CUX1: variants seen among roughly 807,000 people sequenced by gnomAD.
The protein encoded by CUX1 is protein CASP.
A neutral mutation model predicts 158.8 loss-of-function variants in CUX1; 31 were observed. That is an observed-to-expected ratio of 0.20 (90% CI 0.15 to 0.26). CUX1 has a LOEUF of 0.26. CUX1 is among the 10% of genes least tolerant of loss of function. The pLI is 1.00. For missense variants in CUX1, 1,589 were observed against 2,014.6 expected (o/e 0.79, Z 4.04); for synonymous variants, 879 against 862.1 (o/e 1.02, Z -0.34).
At chr7:102,159,614 AG>A (rs1554506445) in intron 9 of CUX1, among the ~76,000 whole-genome samples, 1 of 152,270 alleles carries the variant, frequency 6.6e-6, no homozygotes, top group East Asian at 1.9e-4. Context: ...TAATCCCAGC[AG>A]TCTGGGGGGC....
Position 102,093,336 on chromosome 7 carries a change from C to A in CUX1, c.269-4028C>A, listed in dbSNP as rs530611461. Among the ~76,000 whole-genome samples, 50 of 152,124 alleles carry A rather than the reference C, an allele frequency of 3.3e-4. 1 individual carries two copies. The highest frequency in any genetic ancestry group is 1.5e-5 in the Non-Finnish European group (1 of 67,986). On this transcript the variant is annotated intron_variant, in intron 4 of 23. Coordinates refer to ENST00000292535, the MANE Select transcript of CUX1 (RefSeq NM_181552.4). The stretch of plus-strand genomic sequence containing the variant: ...AAGGAGCTGGGACTACAGGCATGCA[C>A]CACCATGCCCGGCTAATTTTTGTAT...
intron 2 of CUX1, among the ~76,000 whole-genome samples, chr7:101,984,064 C>T (rs1221675441): frequency 1.0e-5 from 1 of 98,220 alleles, no homozygotes; most frequent in Non-Finnish European, 2.0e-5. Flanking sequence ...CAGAGCAAGA[C>T]TCTGTCCCCC....
rs10633602 is a variant in CUX1 at position 102,117,397 on chromosome 7, CAAAAAAAAAAAA to C, written c.674+2135_674+2146del. ...TGGGCTACAGAGCCAGACTCCATCGCAAAAAAAAAAAAAAAAAAAAAAGGTCAATATTGGGCC... is the reference window on the plus strand; with the variant it reads ...TGGGCTACAGAGCCAGACTCCATCGCAAAAAAAAAAGGTCAATATTGGGCC... On this transcript the variant is annotated intron_variant, in intron 8 of 23. Transcript: ENST00000292535. 4.5e-3 allele frequency among the ~76,000 whole-genome samples: 211 copies of C among 46,682 alleles called. 3 individuals are homozygous for C. Among genetic ancestry groups the C allele is most frequent in the Admixed American group, 0.012 (43 of 3,528 alleles). The allele number at this position is 46,682 out of a possible 152,430, so 30.6% of individuals were successfully genotyped here. A position where few individuals can be genotyped will look rare whatever the true frequency, so the allele number is the denominator to read the frequency against.
At position 102,239,382 on chromosome 7, in the gene CUX1, G is replaced by A. The variant is rs376880850; in HGVS notation, c.3685G>A (p.Gly1229Ser). ...DSQPCEPPSV[G>S]TEYSQGASPQ... is the part of the protein sequence containing the mutation. ...CCAGCCCTGCGAACCGCCCTCTGTC[G>A]GCACCGAGTACAGCCAGGGCGCCAG... Residue 1229 changes from glycine (G) to serine (S), a missense_variant, in exon 23 of 24, where the codon GGC (glycine) becomes AGC (serine). Physicochemically the swap from Gly to Ser is moderately conservative, Grantham distance 56. Around this residue, in one of 8 missense-constraint regions of CUX1, gnomAD observed 259 missense variants for 373.8 expected, o/e 0.69. Transcript: ENST00000292535. 44 of 1,613,086 alleles carry A rather than the reference G, an allele frequency of 2.7e-5. No individual in the cohort carries two copies. Among genetic ancestry groups the A allele is most frequent in the African/African-American group, 1.2e-4 (9 of 75,072 alleles).
chr7:101,950,241 C>A (rs1808894634), intron 2 of CUX1, among the ~76,000 whole-genome samples: 1 of 152,036 alleles, frequency 6.6e-6, no homozygotes, highest in African/African-American at 2.4e-5. Context: ...AACTCCTGAT[C>A]TCAGGTGATC....
intron 4 of CUX1, among the ~76,000 whole-genome samples, chr7:102,087,877 TG>T (rs1470714496): frequency 6.6e-6 from 1 of 152,224 alleles, no homozygotes; most frequent in Admixed American, 6.5e-5. Flanking sequence ...GATTCAAGTA[TG>T]CACGTGAAAT....
intron 8 of CUX1, among the ~76,000 whole-genome samples, chr7:102,134,932 C>T (rs1163227670): frequency 8.5e-5 from 13 of 152,140 alleles, no homozygotes; most frequent in Admixed American, 3.3e-4. Flanking sequence ...TCCTTATATC[C>T]TGTAAAAATG....
intron 1 of CUX1, among the ~76,000 whole-genome samples, chr7:101,906,905 C>A (rs1261381461): frequency 6.6e-6 from 1 of 152,142 alleles, no homozygotes; most frequent in Non-Finnish European, 1.5e-5. Flanking sequence ...TGCTGCCCCC[C>A]ACTCCCGGAC....
At chr7:101,934,350 C>T (rs754167219) in intron 2 of CUX1, among the ~76,000 whole-genome samples, 3 of 152,220 alleles carry the variant, frequency 2.0e-5, no homozygotes, top group Admixed American at 1.3e-4. Flanking sequence ...CACTATAATG[C>T]GCTCCCATTA....
intron 8 of CUX1, among the ~76,000 whole-genome samples, chr7:102,154,974 T>C (rs893376511): frequency 3.3e-5 from 5 of 152,220 alleles, no homozygotes; most frequent in African/African-American, 9.6e-5. Flanking sequence ...GAGGAGGATT[T>C]AGGCAATTGT....
chr7:102,132,863 G>A (rs1833472435), intron 8 of CUX1, among the ~76,000 whole-genome samples: 1 of 151,650 alleles, frequency 6.6e-6, no homozygotes, highest in East Asian at 1.9e-4. Flanking sequence ...GTAGTGACAG[G>A]GTTCACCATG....
At chr7:101,901,072 C>T (rs1486800626) in intron 1 of CUX1, among the ~76,000 whole-genome samples, 4 of 151,980 alleles carry the variant, frequency 2.6e-5, no homozygotes, top group South Asian at 4.2e-4. Flanking sequence ...ATGGGAAAAT[C>T]GATGCTCAGG....
At position 101,916,282 on chromosome 7, in the gene CUX1, T is replaced by C; in HGVS notation, c.141+57T>C. On this transcript the variant is annotated intron_variant, in intron 2 of 23. Transcript: ENST00000292535. The surrounding 1 kb of genome is among the most constrained non-coding windows in gnomAD (Gnocchi z 4.4). ...AGGGATCTTAGAATGCTGGTGCATG[T>C]TCAGGCGACGCTCCGTGAGCGTTTC... is the stretch of plus-strand genomic sequence containing the variant. The C allele has an allele frequency of 9.0e-7, 1 of 1,105,244 alleles. No homozygotes were observed. The highest frequency in any genetic ancestry group is 1.2e-5 in the South Asian group (1 of 80,626). 68.5% of individuals were successfully genotyped at this position (1,105,244 alleles called of 1,614,324 possible).
At chr7:102,211,450 C>CA (rs1392500800) in intron 20 of CUX1, among the ~76,000 whole-genome samples, 1 of 150,816 alleles carries the variant, frequency 6.6e-6, no homozygotes, top group African/African-American at 2.4e-5. Context: ...TCTCCGCCCG[C>CA]AAAAAAAGAA....
intron 2 of CUX1, among the ~76,000 whole-genome samples, chr7:101,968,763 T>TG (rs961732906): frequency 6.6e-6 from 1 of 152,114 alleles, no homozygotes. Context: ...AGGATATCCC[T>TG]GCTGCCTGGG....
At chr7:102,223,697 G>A (rs909681278) in intron 20 of CUX1, among the ~76,000 whole-genome samples, 5 of 152,034 alleles carry the variant, frequency 3.3e-5, no homozygotes, top group Non-Finnish European at 7.4e-5. Flanking sequence ...GGTCAGGCGC[G>A]GTGGCTCACA....
At chr7:101,887,702 A>T (rs1584886987) in intron 1 of CUX1, among the ~76,000 whole-genome samples, 1 of 152,028 alleles carries the variant, frequency 6.6e-6, no homozygotes, top group Admixed American at 6.5e-5. Context: ...CTGCTGATAC[A>T]CCCTGTGGAC....
rs58786987 is a variant in CUX1 at position 102,060,608 on chromosome 7, A to AACACACACACACACACAC, written c.190-9712_190-9695dup. Among the ~76,000 whole-genome samples the AACACACACACACACACAC allele has an allele frequency of 8.6e-4, 114 of 133,298 alleles. 2 individuals carry two copies. The highest frequency in any genetic ancestry group is 5.0e-3 in the Admixed American group (64 of 12,778). The allele number at this position is 133,298 out of a possible 152,430, so 87.4% of individuals were successfully genotyped here. A position where few individuals can be genotyped will look rare whatever the true frequency, so the allele number is the denominator to read the frequency against. On this transcript the variant is annotated intron_variant, in intron 3 of 23. Coordinates refer to ENST00000292535, the MANE Select transcript of CUX1 (RefSeq NM_181552.4). The stretch of plus-strand genomic sequence containing the variant: ...ATATATATATACACACACACAAATA[A>AACACACACACACACACAC]ACACACACACACACACACACACACA...
Position 102,275,272 on chromosome 7 carries a change from C to G in CUX1, c.1476C>G (p.Ala492=), listed in dbSNP as rs140831161. The change falls in exon 17 of 23, where the codon GCC becomes GCG. Residue 492 remains alanine (A), a synonymous_variant. Coordinates refer to the CUX1 transcript ENST00000292538. ...GACCTGCAGCACCAGCCAGCGGTGCCCTCCCAGAGGGCCAGGTGGATTCAC... is the reference window on the plus strand; with the variant it reads ...GACCTGCAGCACCAGCCAGCGGTGCGCTCCCAGAGGGCCAGGTGGATTCAC... The G allele has an allele frequency of 1.4e-4, 221 of 1,610,646 alleles. 1 individual carries two copies. The African/African-American group carries it at 2.7e-3, about 20-fold the overall frequency.
Sources: gnomAD v4.1 joint callset for allele counts (sites outside exome capture counted in the v4.1 genomes callset) on GRCh38, gnomAD v4.1.1 for gene constraint, gnomAD v4.1.1 regional missense constraint, Gnocchi (gnomAD v3.1) non-coding constraint, MANE v1.5 for transcripts, NCBI Gene and HGNC (gene_info 2026-07-23, HGNC 2026-07-21) for gene names.